Variants in FAM222A observed in about 807,000 individuals in gnomAD.
FAM222A encodes protein FAM222A.
Under a neutral mutation model 25.8 loss-of-function variants are expected in FAM222A, and 7 were observed. The ratio of observed to expected loss-of-function variants is 0.27; its 90% CI spans 0.15 to 0.51. FAM222A has a LOEUF of 0.51. Among genes scored for constraint, FAM222A ranks in the 20% least tolerant of loss-of-function variants. The probability of loss-of-function intolerance (pLI) is 0.97; values close to 1 mark genes in which losing one functional copy is unlikely to be tolerated. For synonymous variants in FAM222A, 294 were observed against 298.8 expected (o/e 0.98, Z 0.17); for missense variants, 573 against 640.5 (o/e 0.89, Z 1.14).
rs73407768 is a variant in FAM222A at position 109,745,572 on chromosome 12, A to G, written c.82+1344A>G. ...TGGATACCTCACATTGTGGTGTGAG[A>G]GAGTCTGTTCCCCACCCCTCACCAT... is the stretch of plus-strand genomic sequence containing the variant. On this transcript the variant is annotated intron_variant, in intron 2 of 2. Coordinates refer to ENST00000538780, the MANE Select transcript of FAM222A (RefSeq NM_032829.3). 2.6e-3 allele frequency among the ~76,000 whole-genome samples: 392 copies of G among 152,278 alleles called. 5 individuals are homozygous for G. Among genetic ancestry groups the G allele is most frequent in the African/African-American group, 8.5e-3 (355 of 41,564 alleles).
At chr12:109,727,652 G>A (rs1887868108) in intron 1 of FAM222A, among the ~76,000 whole-genome samples, 1 of 152,192 alleles carries the variant, frequency 6.6e-6, no homozygotes, top group Admixed American at 6.5e-5. Flanking sequence ...TGCCACGCTG[G>A]CACGTGGTCA....
At chr12:109,730,302 C>G (rs898062987) in intron 1 of FAM222A, among the ~76,000 whole-genome samples, 5 of 151,978 alleles carry the variant, frequency 3.3e-5, no homozygotes, top group Non-Finnish European at 7.4e-5. Context: ...TTCTCTGTGC[C>G]TCAGTTTCCC....
At chr12:109,761,521 G>T (rs1888895476) in intron 2 of FAM222A, among the ~76,000 whole-genome samples, 1 of 152,216 alleles carries the variant, frequency 6.6e-6, no homozygotes, top group African/African-American at 2.4e-5. Context: ...GCAGGCTGCT[G>T]TCAGCATTTG....
At chr12:109,719,895 G>C (rs1478404074) in intron 1 of FAM222A, among the ~76,000 whole-genome samples, 1 of 152,202 alleles carries the variant, frequency 6.6e-6, no homozygotes, top group African/African-American at 2.4e-5. Context: ...GGCCAACAGA[G>C]AGCTTGGGAG....
intron 1 of FAM222A, among the ~76,000 whole-genome samples, chr12:109,723,443 T>C (rs1260885472): frequency 6.6e-6 from 1 of 152,178 alleles, no homozygotes; most frequent in Non-Finnish European, 1.5e-5. Flanking sequence ...GCCATTGCAC[T>C]TTGCCCACCC....
rs531851071 is a variant in FAM222A, at chr12:109,769,111, G to T, written c.1182G>T (p.Lys394Asn). 6.2e-7 allele frequency: 1 copy of T among 1,611,314 alleles called. No individual in the cohort carries two copies. The highest frequency in any genetic ancestry group is 1.7e-5 in the Admixed American group (1 of 59,862). ...ATGCCCTCTCGGGCCTGCCCAGCAA[G>T]AGTGTGTGCAACACATCGGTGCTGA... is the stretch of plus-strand genomic sequence containing the variant. ...PADALSGLPS[K>N]SVCNTSVLSS... Residue 394 changes from lysine to asparagine, a missense_variant, in exon 3 of 3, where the codon AAG becomes AAT. By Grantham distance (94) the Lys-to-Asn change is moderately conservative (BLOSUM62 0). Around this residue, in one of 3 missense-constraint regions of FAM222A, gnomAD observed 412 missense variants for 407.0 expected, o/e 1.01. Coordinates refer to ENST00000538780, the MANE Select transcript of FAM222A (RefSeq NM_032829.3).
Position 109,769,893 on chromosome 12 carries a change from C to T in FAM222A, c.*605C>T. On this transcript the variant is annotated 3_prime_UTR_variant, in exon 3 of 3. Coordinates refer to ENST00000538780, the MANE Select transcript of FAM222A (RefSeq NM_032829.3). ...CCCTACCCCCACCATTCCTTCCTAA[C>T]ACAGAGTTGCACCCCCATCCCCATT... 6.5e-6 allele frequency: 1 copy of T among 153,628 alleles called. No individual in the cohort carries two copies. The highest frequency in any genetic ancestry group is 1.4e-5 in the Non-Finnish European group (1 of 69,166). 9.5% of individuals were successfully genotyped at this position (153,628 alleles called of 1,614,324 possible).
At chr12:109,744,812 T>C in intron 2 of FAM222A, 1 of 980,548 alleles carries the variant, frequency 1.0e-6, no homozygotes, top group South Asian at 4.7e-5. Context: ...AAAATATGGA[T>C]TTCTACTATC....
intron 2 of FAM222A, chr12:109,744,565 A>G: frequency 1.0e-6 from 1 of 985,414 alleles, no homozygotes; most frequent in South Asian, 4.7e-5. Context: ...CCATTAAAGT[A>G]GGATGACGTG....
In FAM222A at chr12:109,743,522, C is replaced by T. The variant is rs147681813; in HGVS notation, c.-46-579C>T. ...CATTGGGGCTGGGCTCAGGGTGCAG[C>T]ATGGATCAAGGTTCAAGAGCCCCTT... On this transcript the variant is annotated intron_variant, in intron 1 of 2. Coordinates refer to ENST00000538780, the MANE Select transcript of FAM222A (RefSeq NM_032829.3). Among the ~76,000 whole-genome samples, 8 of 152,332 alleles carry T rather than the reference C, an allele frequency of 5.3e-5. No homozygotes were observed. In the East Asian group the frequency reaches 1.5e-3, roughly 29 times the overall value.
chr12:109,762,345 G>A (rs1475396887), intron 2 of FAM222A, among the ~76,000 whole-genome samples: 1 of 152,200 alleles, frequency 6.6e-6, no homozygotes, highest in Non-Finnish European at 1.5e-5. Context: ...CCTCAGCTTC[G>A]TCAGAACGCA....
chr12:109,762,244 C>T (rs1888919478), intron 2 of FAM222A, among the ~76,000 whole-genome samples: 1 of 152,196 alleles, frequency 6.6e-6, no homozygotes, highest in Admixed American at 6.5e-5. Flanking sequence ...AGGGGCCGGG[C>T]ACAGTGGGGA....
At chr12:109,740,359 GT>G (rs1386197522) in intron 1 of FAM222A, among the ~76,000 whole-genome samples, 1 of 152,038 alleles carries the variant, frequency 6.6e-6, no homozygotes, top group African/African-American at 2.4e-5. Flanking sequence ...GGCATGCGAC[GT>G]TTTTCCCCTC....
chr12:109,739,793 C>T (rs1329888601), intron 1 of FAM222A, among the ~76,000 whole-genome samples: 2 of 152,222 alleles, frequency 1.3e-5, no homozygotes, highest in Non-Finnish European at 2.9e-5. Flanking sequence ...CATCCTTGGG[C>T]TCTGCTATCT....
chr12:109,719,332 G>T (rs187015050), intron 1 of FAM222A, among the ~76,000 whole-genome samples: 1 of 152,328 alleles, frequency 6.6e-6, no homozygotes, highest in Non-Finnish European at 1.5e-5. Context: ...AGAAGTATGA[G>T]GTTCATTGGC....
chr12:109,728,200 G>T (rs762107475), intron 1 of FAM222A, among the ~76,000 whole-genome samples: 1 of 152,150 alleles, frequency 6.6e-6, no homozygotes, highest in South Asian at 2.1e-4. Context: ...TGGGTGGGTC[G>T]TGGGTGTTGA....
chr12:109,747,700 G>T (rs1888442180), intron 2 of FAM222A, among the ~76,000 whole-genome samples: 1 of 123,344 alleles, frequency 8.1e-6, no homozygotes, highest in African/African-American at 3.0e-5. Context: ...GTTATTTCTG[G>T]ATAGTTTAGC....
At chr12:109,767,973 GC>G (rs1402949069) in intron 2 of FAM222A, 38 bp from the exon 3 acceptor site, 1 of 1,587,944 alleles carries the variant, frequency 6.3e-7, no homozygotes. Flanking sequence ...GGTTGGCATG[GC>G]CTCCTGATGG....
intron 2 of FAM222A, among the ~76,000 whole-genome samples, chr12:109,746,502 A>C (rs1888402135): frequency 1.3e-5 from 2 of 152,154 alleles, no homozygotes; most frequent in Non-Finnish European, 2.9e-5. Flanking sequence ...AAAAACAAAA[A>C]AAAAAGTATG....
Sources: gnomAD v4.1 joint callset for allele counts (sites outside exome capture counted in the v4.1 genomes callset) on GRCh38, gnomAD v4.1.1 for gene constraint, gnomAD v4.1.1 regional missense constraint, MANE v1.5 for transcripts, NCBI Gene and HGNC (gene_info 2026-07-23, HGNC 2026-07-21) for gene names.